RAP1GAP2: variants seen among roughly 807,000 people sequenced by gnomAD.
RAP1GAP2 encodes the protein rap1 GTPase-activating protein 2.
In RAP1GAP2, 27 loss-of-function variants were observed where a neutral mutation model predicts 95.0. That is an observed-to-expected ratio of 0.28 (90% CI 0.21 to 0.39). RAP1GAP2 has a LOEUF of 0.39. Ranked by LOEUF, RAP1GAP2 falls within the 10% of genes least tolerant of loss-of-function variation. The pLI is 1.00. For missense variants in RAP1GAP2, 771 were observed against 970.0 expected, an observed-to-expected ratio of 0.79 and a Z score of 2.72; for synonymous variants, 373 against 380.9, an observed-to-expected ratio of 0.98 and a Z score of 0.24.
At chr17:3,022,335 A>G (rs910642213) in intron 19 of RAP1GAP2, among the ~76,000 whole-genome samples, 1 of 152,224 alleles carries the variant, frequency 6.6e-6, no homozygotes, top group African/African-American at 2.4e-5. Flanking sequence ...TAGTGCAACT[A>G]CTTTGGAAAA....
intron 3 of RAP1GAP2, among the ~76,000 whole-genome samples, chr17:2,931,280 T>TTGTGTGTGTGTGTGTGTGTGTGTGTG: frequency 6.8e-6 from 1 of 146,756 alleles, no homozygotes; most frequent in African/African-American, 2.6e-5. Context: ...TGAGTGTTTC[T>TTGTGTGTGTGTGTGTGTGTGTGTGTG]TGTGTGTGTG....
At chr17:2,997,036 T>C (rs2045983605) in intron 13 of RAP1GAP2, among the ~76,000 whole-genome samples, 1 of 152,142 alleles carries the variant, frequency 6.6e-6, no homozygotes, top group South Asian at 2.1e-4. Context: ...AGTGCAGTGG[T>C]GCGATCATAG....
intron 2 of RAP1GAP2, among the ~76,000 whole-genome samples, chr17:2,847,214 G>A (rs1207098570): frequency 1.3e-5 from 2 of 152,070 alleles, no homozygotes; most frequent in African/African-American, 4.8e-5. Context: ...TCACCATGTT[G>A]GCCAGACTGG....
chr17:2,994,835 T>C (rs2045898288), intron 12 of RAP1GAP2, among the ~76,000 whole-genome samples: 1 of 152,198 alleles, frequency 6.6e-6, no homozygotes, highest in African/African-American at 2.4e-5. Context: ...GATTGATTGA[T>C]GGAGTCTTGC....
chr17:2,831,930 G>T (rs552482408), intron 2 of RAP1GAP2, among the ~76,000 whole-genome samples: 1 of 151,848 alleles, frequency 6.6e-6, no homozygotes, highest in Non-Finnish European at 1.5e-5. Flanking sequence ...AACAGGCTGG[G>T]CGTGGTGGCT....
rs2046837712 is a variant in RAP1GAP2 at position 3,018,097 on chromosome 17, A to G, written c.1531A>G (p.Met511Val). 6.3e-7 allele frequency: 1 copy of G among 1,592,024 alleles called. No individual in the cohort carries two copies. Among genetic ancestry groups the G allele is most frequent in the Non-Finnish European group, 8.5e-7 (1 of 1,169,748 alleles). The change falls in exon 18 of 25, where the codon ATG becomes GTG. Residue 511 changes from methionine to valine, a missense_variant. Transcript: ENST00000254695. ...IRVRSHSMET[M>V]VGGQKKSHSG... ...CGTACGCAGCCACTCCATGGAGACC[A>G]TGGTGGGCGGCCAGAAGAAGTCGCA... is the stretch of plus-strand genomic sequence containing the variant.
intron 7 of RAP1GAP2, among the ~76,000 whole-genome samples, chr17:2,964,276 TGGGAGAGGAG>T (rs2044481149): frequency 1.5e-5 from 1 of 66,420 alleles, no homozygotes; most frequent in African/African-American, 6.5e-5. Context: ...GGGGAGGCTG[TGGGAGAGGAG>T]CTGCGGGGGG....
intron 2 of RAP1GAP2, among the ~76,000 whole-genome samples, chr17:2,770,972 C>G (rs1225795260): frequency 6.6e-6 from 1 of 151,980 alleles, no homozygotes. Context: ...TCTTGAACCC[C>G]GGAGGCAGAG....
chr17:2,853,761 C>T (rs553025994), intron 2 of RAP1GAP2, among the ~76,000 whole-genome samples: 196 of 147,164 alleles, frequency 1.3e-3, no homozygotes, highest in Admixed American at 3.6e-3. Flanking sequence ...AATGCCCGCG[C>T]CGGGGGAGCG....
At chr17:2,776,492 GC>G (rs1436510388), upstream of RAP1GAP2, among the ~76,000 whole-genome samples, 1 of 152,054 alleles carries the variant, frequency 6.6e-6, no homozygotes, top group Non-Finnish European at 1.5e-5. Flanking sequence ...GCCTTGGGCA[GC>G]CCCCAGGGAG....
At chr17:2,953,052 C>T (rs183659660) in intron 3 of RAP1GAP2, among the ~76,000 whole-genome samples, 25 of 151,996 alleles carry the variant, frequency 1.6e-4, no homozygotes, top group Admixed American at 1.3e-3. Flanking sequence ...GTGGTCTGCC[C>T]GCCTCAGCCT....
At chr17:3,020,646 C>T in intron 19 of RAP1GAP2, 51 bp downstream of exon 19, 3 of 1,496,386 alleles carry the variant, frequency 2.0e-6, no homozygotes, top group South Asian at 1.2e-5. Context: ...GTCTGTCAAC[C>T]CCCTCCACTG....
intron 3 of RAP1GAP2, among the ~76,000 whole-genome samples, chr17:2,928,874 C>T (rs73294657): frequency 0.018 from 2,748 of 152,096 alleles, 95 homozygotes; most frequent in African/African-American, 0.061. Context: ...TCATCCTGAT[C>T]GCTCTGGGCA....
At chr17:2,900,281 A>C (rs1484291248) in intron 2 of RAP1GAP2, among the ~76,000 whole-genome samples, 1 of 152,150 alleles carries the variant, frequency 6.6e-6, no homozygotes, top group Non-Finnish European at 1.5e-5. Flanking sequence ...GAGATGCCAG[A>C]AATGTTTTCC....
intron 2 of RAP1GAP2, among the ~76,000 whole-genome samples, chr17:2,873,417 A>G (rs1421936085): frequency 1.6e-5 from 2 of 126,464 alleles, no homozygotes; most frequent in African/African-American, 3.0e-5. Flanking sequence ...GGAGGTTGCA[A>G]TGAGCTGAGA....
chr17:2,953,883 T>C (rs2044010412), intron 3 of RAP1GAP2, among the ~76,000 whole-genome samples: 1 of 152,144 alleles, frequency 6.6e-6, no homozygotes. Context: ...TACAATTCAG[T>C]GGTTTTTGGT....
chr17:2,832,254 C>T (rs1027147714), intron 2 of RAP1GAP2, among the ~76,000 whole-genome samples: 8 of 147,840 alleles, frequency 5.4e-5, no homozygotes, highest in Non-Finnish European at 1.2e-4. Flanking sequence ...TTAAAACAAT[C>T]AGAACATTAA....
At chr17:2,911,093 G>T (rs566085409) in intron 3 of RAP1GAP2, among the ~76,000 whole-genome samples, 16 of 152,238 alleles carry the variant, frequency 1.1e-4, no homozygotes, top group African/African-American at 3.6e-4. Flanking sequence ...CCCAGGGACG[G>T]CCTCTTGTGG....
intron 16 of RAP1GAP2, 29 bp downstream of exon 16, chr17:3,006,070 T>C: frequency 2.0e-6 from 3 of 1,523,850 alleles, no homozygotes; most frequent in Middle Eastern, 1.9e-4. Context: ...AAGGTCTCCC[T>C]CCTGACTGCT....
Sources: allele counts gnomAD v4.1 joint callset (sites outside exome capture counted in the v4.1 genomes callset), GRCh38; gene constraint gnomAD v4.1.1; transcripts MANE v1.5; gene names NCBI Gene and HGNC (gene_info 2026-07-23, HGNC 2026-07-21).